Variants in TLK1 observed in about 807,000 individuals in gnomAD.
TLK1 encodes the protein tousled like kinase 1.
Under a neutral mutation model 105.3 loss-of-function variants are expected in TLK1, and 24 were observed. The observed-to-expected ratio is 0.23, with a 90% confidence interval of 0.17 to 0.32. TLK1 has a LOEUF of 0.32. Among genes scored for constraint, TLK1 ranks in the 10% least tolerant of loss-of-function variants. TLK1 has a pLI of 1.00. For missense variants in TLK1, 558 were observed against 910.5 expected (o/e 0.61, Z 4.98); for synonymous variants, 321 against 310.4 (o/e 1.03, Z -0.36).
chr2:171,131,561 C>A (rs1691107649), intron 1 of TLK1, among the ~76,000 whole-genome samples: 1 of 152,140 alleles, frequency 6.6e-6, no homozygotes, highest in South Asian at 2.1e-4. Context: ...AGACTTCTTT[C>A]AATTATTATA....
intron 18 of TLK1, among the ~76,000 whole-genome samples, chr2:170,998,142 G>A (rs1684171970): frequency 6.6e-6 from 1 of 151,672 alleles, no homozygotes; most frequent in African/African-American, 2.4e-5. Context: ...AAAACTTAAA[G>A]AGATTACAAT....
chr2:171,209,079 T>A (rs568649795), intron 1 of TLK1, among the ~76,000 whole-genome samples: 1 of 152,208 alleles, frequency 6.6e-6, no homozygotes, highest in Non-Finnish European at 1.5e-5. Flanking sequence ...TATGTACTGA[T>A]AATGGAGAAG....
chr2:171,223,759 C>A (rs1432808401), intron 1 of TLK1, among the ~76,000 whole-genome samples: 1 of 151,348 alleles, frequency 6.6e-6, no homozygotes, highest in African/African-American at 2.4e-5. Context: ...GGATTACAGG[C>A]ATGAGCCACC....
chr2:171,122,814 G>T (rs557225976), intron 1 of TLK1, among the ~76,000 whole-genome samples: 1 of 152,018 alleles, frequency 6.6e-6, no homozygotes, highest in South Asian at 2.1e-4. Context: ...TGAGGAGGGC[G>T]GATCACTTAA....
intron 1 of TLK1, among the ~76,000 whole-genome samples, chr2:171,194,046 T>C (rs1693214069): frequency 6.6e-6 from 1 of 152,172 alleles, no homozygotes; most frequent in Non-Finnish European, 1.5e-5. Context: ...GGGATTGCCC[T>C]TGTCTTAGCA....
chr2:171,058,374 G>GT (rs1181225631), intron 4 of TLK1, among the ~76,000 whole-genome samples, 177 bp from the exon 5 acceptor site: 2 of 151,446 alleles, frequency 1.3e-5, no homozygotes. Context: ...AATAAATGAT[G>GT]TAAGTGATGT....
At chr2:171,217,992 G>C (rs1367655544) in intron 1 of TLK1, among the ~76,000 whole-genome samples, 1 of 152,166 alleles carries the variant, frequency 6.6e-6, no homozygotes, top group Admixed American at 6.5e-5. Flanking sequence ...GGTGGTTCAT[G>C]CCTGTAATCC....
At chr2:171,024,652 T>G (rs1368286754) in intron 12 of TLK1, among the ~76,000 whole-genome samples, 1 of 152,190 alleles carries the variant, frequency 6.6e-6, no homozygotes, top group Non-Finnish European at 1.5e-5. Context: ...ATGGGTACAG[T>G]CATTGAAATA....
intron 13 of TLK1, among the ~76,000 whole-genome samples, chr2:171,012,358 AAAGTT>A (rs1199263857): frequency 6.6e-6 from 1 of 152,248 alleles, no homozygotes; most frequent in Non-Finnish European, 1.5e-5. Flanking sequence ...GATGCACAGA[AAAGTT>A]AAGTAACTTG....
chr2:171,153,008 C>A (rs892239912), intron 1 of TLK1, among the ~76,000 whole-genome samples: 1 of 151,520 alleles, frequency 6.6e-6, no homozygotes, highest in African/African-American at 2.4e-5. Flanking sequence ...CTTATCTTCA[C>A]ACGTGTATAA....
intron 1 of TLK1, among the ~76,000 whole-genome samples, chr2:171,210,343 G>C (rs369103797): frequency 1.3e-5 from 2 of 151,540 alleles, no homozygotes; most frequent in East Asian, 3.9e-4. Flanking sequence ...GGCTATAGGA[G>C]AGAATGAACT....
chr2:171,029,076 T>C (rs1304759306), intron 11 of TLK1, among the ~76,000 whole-genome samples: 1 of 151,674 alleles, frequency 6.6e-6, no homozygotes, highest in African/African-American at 2.4e-5. Context: ...GAGAAAAAAA[T>C]GGGAGTAAAT....
chr2:171,130,039 T>C (rs1461966986), intron 1 of TLK1, among the ~76,000 whole-genome samples: 1 of 152,208 alleles, frequency 6.6e-6, no homozygotes, highest in East Asian at 1.9e-4. Context: ...GTTAAGAACA[T>C]GGGCTCTGTG....
At chr2:171,036,293 A>G (rs1177412963) in intron 11 of TLK1, among the ~76,000 whole-genome samples, 6 of 152,128 alleles carry the variant, frequency 3.9e-5, no homozygotes, top group Non-Finnish European at 8.8e-5. Flanking sequence ...AAAAATACAA[A>G]AATTAGCCTG....
At chr2:171,034,652 T>G (rs562152097) in intron 11 of TLK1, among the ~76,000 whole-genome samples, 1 of 152,216 alleles carries the variant, frequency 6.6e-6, no homozygotes, top group Admixed American at 6.5e-5. Context: ...GTTTTGAAAC[T>G]AGAGAGAAGT....
intron 10 of TLK1, among the ~76,000 whole-genome samples, chr2:171,047,001 A>G (rs1686993442): frequency 6.6e-6 from 1 of 152,246 alleles, no homozygotes; most frequent in Admixed American, 6.5e-5. Flanking sequence ...TAACCTTAAT[A>G]TAAGAAATTT....
intron 1 of TLK1, among the ~76,000 whole-genome samples, chr2:171,221,086 G>T (rs529474663): frequency 3.3e-4 from 50 of 152,168 alleles, no homozygotes; most frequent in South Asian, 6.2e-4. Flanking sequence ...TAATCTCTAG[G>T]AATAAGTAAT....
At chr2:171,003,918 A>G (rs1039828733) in intron 18 of TLK1, among the ~76,000 whole-genome samples, 18 of 152,048 alleles carry the variant, frequency 1.2e-4, no homozygotes, top group East Asian at 3.9e-4. Flanking sequence ...ATCTACATAT[A>G]TTTCACGCCT....
At chr2:171,126,688 G>C (rs994184114) in intron 1 of TLK1, among the ~76,000 whole-genome samples, 4 of 151,908 alleles carry the variant, frequency 2.6e-5, no homozygotes, top group Non-Finnish European at 4.4e-5. Context: ...TTGCTGCTGA[G>C]CCATGACCTT....
Sources: gnomAD v4.1 joint callset for allele counts (sites outside exome capture counted in the v4.1 genomes callset) on GRCh38, gnomAD v4.1.1 for gene constraint, MANE v1.5 for transcripts, NCBI Gene and HGNC (gene_info 2026-07-23, HGNC 2026-07-21) for gene names.